Variants in NXN observed in about 807,000 individuals in gnomAD.
The protein encoded by NXN is nucleoredoxin, also known as nucleoredoxin 1.
NXN carries 16 observed loss-of-function variants against 48.6 expected under a neutral mutation model. The observed-to-expected ratio is 0.33, with a 90% CI of 0.22 to 0.50. NXN has a LOEUF of 0.50. Ranked by LOEUF, NXN falls within the 20% of genes least tolerant of loss-of-function variation. The probability of loss-of-function intolerance (pLI) is 0.98; values close to 1 mark genes in which losing one functional copy is unlikely to be tolerated. For missense variants in NXN, 492 were observed against 605.5 expected, an observed-to-expected ratio of 0.81 and a Z score of 1.97; for synonymous variants, 281 against 269.6, an observed-to-expected ratio of 1.04 and a Z score of -0.41.
intron 1 of NXN, among the ~76,000 whole-genome samples, chr17:931,080 T>A (rs1372111461): frequency 6.6e-6 from 1 of 152,254 alleles, no homozygotes; most frequent in East Asian, 1.9e-4. Flanking sequence ...GTGAGTTTGC[T>A]TTTAAGGGAG....
intron 1 of NXN, among the ~76,000 whole-genome samples, chr17:960,628 C>T (rs1373612759): frequency 1.3e-5 from 2 of 152,130 alleles, no homozygotes; most frequent in East Asian, 3.9e-4. Flanking sequence ...CAGGCACACA[C>T]CACCATGCCT....
intron 1 of NXN, among the ~76,000 whole-genome samples, chr17:926,365 T>G (rs1027033262): frequency 6.6e-5 from 10 of 152,070 alleles, no homozygotes; most frequent in Non-Finnish European, 2.9e-5. Context: ...TTTTTTATTT[T>G]TTATAAAGAC....
At chr17:901,708 C>T (rs682363) in intron 1 of NXN, among the ~76,000 whole-genome samples, 125,888 of 152,184 alleles carry the variant, frequency 0.83, 52,389 homozygotes, top group Middle Eastern at 0.9. Context: ...TTGTTTTGTT[C>T]TGTTTTTTGG....
intron 1 of NXN, among the ~76,000 whole-genome samples, chr17:887,610 A>C (rs984714361): frequency 1.3e-5 from 2 of 152,172 alleles, no homozygotes; most frequent in African/African-American, 4.8e-5. Flanking sequence ...AAGGTAAACA[A>C]ATACAAAGAA....
chr17:913,947 T>C (rs2068660797), intron 1 of NXN, among the ~76,000 whole-genome samples: 1 of 152,222 alleles, frequency 6.6e-6, no homozygotes, highest in East Asian at 1.9e-4. Context: ...TCGCCCAGAC[T>C]GGAGTGCAGT....
rs572693913 is a variant in NXN, at chr17:810,356, T to A, written c.821-5109A>T. On this transcript the variant is annotated intron_variant, in intron 5 of 7. Transcript: ENST00000336868. Reference sequence around the variant, plus strand: ...ATGTGAGTGGCGTGTACGTTAAGAGTCCGTGTGAGTTGCTGCTGAGGCAGG... The same window carrying A: ...ATGTGAGTGGCGTGTACGTTAAGAGACCGTGTGAGTTGCTGCTGAGGCAGG... Among the ~76,000 whole-genome samples the A allele has an allele frequency of 6.5e-4, 98 of 151,742 alleles. 2 individuals are homozygous for A. The highest frequency in any genetic ancestry group is 3.9e-3 in the South Asian group (19 of 4,822).
intron 5 of NXN, among the ~76,000 whole-genome samples, chr17:810,859 A>T (rs1459454576): frequency 6.6e-6 from 1 of 152,196 alleles, no homozygotes; most frequent in Non-Finnish European, 1.5e-5. Flanking sequence ...ACTGCACTCC[A>T]GCCTGGGCGA....
intron 1 of NXN, chr17:896,858 C>CGGGGG: frequency 1.9e-5 from 10 of 536,098 alleles, no homozygotes; most frequent in Non-Finnish European, 3.0e-5. Context: ...GTCCTGACCA[C>CGGGGG]CCGCCCCCGG....
rs1597633827 is a variant in NXN, at chr17:825,657, T to G, written c.478+304A>C. On this transcript the variant is annotated intron_variant, in intron 2 of 7. Coordinates refer to ENST00000336868, the MANE Select transcript of NXN (RefSeq NM_022463.5). The surrounding 1 kb of genome is among the most constrained non-coding windows in gnomAD (Gnocchi z 4.1). ...ACGGATGCAGCACTAGAGGCCGGGGTCTGAGCTCTCCGCTTTCCCACAGCC... is the reference window on the plus strand; with the variant it reads ...ACGGATGCAGCACTAGAGGCCGGGGGCTGAGCTCTCCGCTTTCCCACAGCC... 3.4e-6 allele frequency: 1 copy of G among 293,898 alleles called. No homozygotes were observed. Among genetic ancestry groups the G allele is most frequent in the Non-Finnish European group, 6.3e-6 (1 of 158,582 alleles). 18.2% of individuals were successfully genotyped at this position (293,898 alleles called of 1,614,324 possible). A position where few individuals can be genotyped will look rare whatever the true frequency, so the allele number is the denominator to read the frequency against.
At chr17:974,716 C>A (rs73279315) in intron 1 of NXN, among the ~76,000 whole-genome samples, 2,681 of 151,682 alleles carry the variant, frequency 0.018, 90 homozygotes, top group African/African-American at 0.062. Context: ...ATTAGACTGC[C>A]TTATTATGCA....
At chr17:803,911 AG>A in intron 6 of NXN, 105 bp from the exon 7 acceptor site, 1 of 1,483,902 alleles carries the variant, frequency 6.7e-7, no homozygotes, top group Non-Finnish European at 9.2e-7. Flanking sequence ...CGCCCGCCTG[AG>A]CGGCCCCTGA....
intron 1 of NXN, among the ~76,000 whole-genome samples, chr17:931,788 T>TTG (rs2068856703): frequency 2.3e-5 from 3 of 131,096 alleles, no homozygotes; most frequent in Admixed American, 8.5e-5. Flanking sequence ...TGAGCTGAGA[T>TTG]CACGCCACTG....
intron 7 of NXN, 97 bp downstream of exon 7, chr17:803,585 C>T (rs1336739071): frequency 1.3e-6 from 2 of 1,515,720 alleles, no homozygotes; most frequent in East Asian, 2.3e-5. Flanking sequence ...CAGCCCTGAC[C>T]CTGGGGTCCT....
chr17:908,829 T>C (rs970624139), intron 1 of NXN, among the ~76,000 whole-genome samples: 3 of 151,478 alleles, frequency 2.0e-5, no homozygotes, highest in African/African-American at 4.8e-5. Context: ...CCCGGCTGGG[T>C]GCGGTGGCTC....
intron 4 of NXN, among the ~76,000 whole-genome samples, chr17:820,286 T>C (rs1183314323): frequency 6.6e-6 from 1 of 152,158 alleles, no homozygotes; most frequent in Non-Finnish European, 1.5e-5. Flanking sequence ...ATATACATTA[T>C]GCCTCAATAA....
At position 979,341 on chromosome 17, in the gene NXN, G is replaced by T; in HGVS notation, c.338C>A (p.Pro113His). 1 of 1,536,962 alleles carries T rather than the reference G, an allele frequency of 6.5e-7. No homozygotes were observed. The highest frequency in any genetic ancestry group is 8.7e-7 in the Non-Finnish European group (1 of 1,146,520). Residue 113 changes from proline (P) to histidine (H), a missense_variant, in exon 1 of 8, where the codon CCC (proline) becomes CAC (histidine). Coordinates refer to ENST00000336868, the MANE Select transcript of NXN (RefSeq NM_022463.5). ...CACCTTCCTGTGCTTCTCCTTGTAGGGCAGCGCCAGCCACGGCATGTCCCG... is the reference window on the plus strand; with the variant it reads ...CACCTTCCTGTGCTTCTCCTTGTAGTGCAGCGCCAGCCACGGCATGTCCCG... ...FVRDMPWLAL[P>H]YKEKHRKLKL...
At chr17:876,457 C>G (rs2068216821) in intron 1 of NXN, among the ~76,000 whole-genome samples, 1 of 152,126 alleles carries the variant, frequency 6.6e-6, no homozygotes, top group Non-Finnish European at 1.5e-5. Flanking sequence ...ACCACATCCC[C>G]TATTGTGGTC....
At chr17:804,360 A>G (rs1349034877) in intron 6 of NXN, among the ~76,000 whole-genome samples, 3 of 141,406 alleles carry the variant, frequency 2.1e-5, no homozygotes, top group Non-Finnish European at 3.0e-5. Context: ...TGGGCTCACT[A>G]CAACTTCTGC....
At chr17:843,030 A>G (rs540810419) in intron 1 of NXN, among the ~76,000 whole-genome samples, 8 of 142,614 alleles carry the variant, frequency 5.6e-5, no homozygotes, top group Non-Finnish European at 1.2e-4. Context: ...GAAAGAAAGA[A>G]AGAAAGAAAG....
Sources: allele counts gnomAD v4.1 joint callset (sites outside exome capture counted in the v4.1 genomes callset), GRCh38; gene constraint gnomAD v4.1.1; non-coding constraint Gnocchi (gnomAD v3.1); transcripts MANE v1.5; gene names NCBI Gene and HGNC (gene_info 2026-07-23, HGNC 2026-07-21).